Variants in RIMS1 observed in about 807,000 individuals in gnomAD.
The protein encoded by RIMS1 is regulating synaptic membrane exocytosis 1.
A neutral mutation model predicts 214.1 loss-of-function variants in RIMS1; 83 were observed. That is an observed-to-expected ratio of 0.39 (90% CI 0.32 to 0.47). The LOEUF (loss-of-function observed/expected upper bound fraction) is 0.47. Ranked by LOEUF, RIMS1 falls within the 20% of genes least tolerant of loss-of-function variation. RIMS1 has a pLI of 0.99. For missense variants in RIMS1, 2,050 were observed against 2,161.8 expected, an observed-to-expected ratio of 0.95 and a Z score of 1.03; for synonymous variants, 793 against 786.8, an observed-to-expected ratio of 1.01 and a Z score of -0.13.
chr6:71,896,086 A>T (rs575217541), intron 1 of RIMS1, among the ~76,000 whole-genome samples: 3 of 152,178 alleles, frequency 2.0e-5, no homozygotes, highest in Non-Finnish European at 2.9e-5. Context: ...ACATCCTAGT[A>T]TCTGGAATAA....
At chr6:72,007,805 A>G (rs1808411490) in intron 2 of RIMS1, among the ~76,000 whole-genome samples, 1 of 152,222 alleles carries the variant, frequency 6.6e-6, no homozygotes, top group South Asian at 2.1e-4. Flanking sequence ...CAAAGCCTCC[A>G]AGAAATACGG....
In RIMS1 at chr6:71,969,924, A is replaced by G. The variant is rs1257169019; in HGVS notation, c.245+861A>G. ...TTAAATGACCAACAGAAAGAGTTTC[A>G]TTCACATTTGAAACTCAGAGTTGAC... On this transcript the variant is annotated intron_variant, in intron 2 of 33. Transcript: ENST00000521978. 3.9e-5 allele frequency among the ~76,000 whole-genome samples: 6 copies of G among 152,296 alleles called. No individual in the cohort carries two copies. In the East Asian group the frequency reaches 1.2e-3, roughly 29 times the overall value.
chr6:72,142,486 G>C (rs1315499759), intron 4 of RIMS1, among the ~76,000 whole-genome samples: 2 of 151,938 alleles, frequency 1.3e-5, no homozygotes, highest in Non-Finnish European at 2.9e-5. Flanking sequence ...GAAAAAAGGA[G>C]ACAATTATTC....
intron 4 of RIMS1, among the ~76,000 whole-genome samples, chr6:72,174,547 A>G (rs900264010): frequency 1.3e-5 from 2 of 152,318 alleles, no homozygotes; most frequent in South Asian, 2.1e-4. Context: ...TATGAAAAAA[A>G]GTTTGATCAA....
chr6:72,121,549 G>A (rs557358938), intron 4 of RIMS1, among the ~76,000 whole-genome samples: 3 of 151,806 alleles, frequency 2.0e-5, no homozygotes, highest in Non-Finnish European at 2.9e-5. Context: ...AAGGAGATTA[G>A]GGGCTGTGAC....
chr6:72,094,228 T>G (rs1048601415), intron 2 of RIMS1, among the ~76,000 whole-genome samples: 1 of 152,228 alleles, frequency 6.6e-6, no homozygotes. Context: ...CTGAACTATT[T>G]GCTAAACTGC....
chr6:72,299,342 G>C (rs952695397), intron 26 of RIMS1, among the ~76,000 whole-genome samples: 1 of 151,762 alleles, frequency 6.6e-6, no homozygotes, highest in African/African-American at 2.4e-5. Flanking sequence ...ATAATAGTGT[G>C]TAATTTATAC....
intron 1 of RIMS1, among the ~76,000 whole-genome samples, chr6:71,897,348 A>G (rs903785336): frequency 6.6e-6 from 1 of 152,076 alleles, no homozygotes; most frequent in African/African-American, 2.4e-5. Context: ...AATTCGTCTG[A>G]TCATGTCTCT....
chr6:72,260,922 A>G lies in RIMS1; in HGVS notation c.3116+155A>G. The stretch of plus-strand genomic sequence containing the variant: ...TTTTGTTTTATATTGAGGTTATGGA[A>G]AAGGTTCCAAATATATTTCAGTTCC... On this transcript the variant is annotated intron_variant, in intron 19 of 33. Transcript: ENST00000521978. 4 of 1,482,404 alleles carry G rather than the reference A, an allele frequency of 2.7e-6. No homozygotes were observed. The South Asian group carries it at 3.8e-5, about 14-fold the overall frequency. 91.8% of individuals were successfully genotyped at this position (1,482,404 alleles called of 1,614,324 possible).
At chr6:72,390,871 C>A in intron 30 of RIMS1, 135 bp downstream of exon 30, 4 of 990,754 alleles carry the variant, frequency 4.0e-6, no homozygotes, top group South Asian at 3.6e-5. Flanking sequence ...TTTAAACCAC[C>A]CTGATGGCTT....
In RIMS1 at chr6:72,182,811, A is replaced by C; in HGVS notation, c.1340A>C (p.His447Pro). The change falls in exon 6 of 34, where the codon CAC becomes CCC. Residue 447 changes from histidine to proline, a missense_variant. His to Pro is a moderately conservative substitution (Grantham distance 77). Around this residue, in one of 6 missense-constraint regions of RIMS1, gnomAD observed 882 missense variants for 828.9 expected, o/e 1.06. Transcript: ENST00000521978. Reference sequence around the variant, plus strand: ...CCGGGCGCCAAGCAGCTAACGAACCACAGCCCGCCGGCGCCCAGACATGGG... The same window carrying C: ...CCGGGCGCCAAGCAGCTAACGAACCCCAGCCCGCCGGCGCCCAGACATGGG... ...RAPGAKQLTN[H>P]SPPAPRHGPV... The C allele has an allele frequency of 6.5e-7, 1 of 1,549,064 alleles. No individual in the cohort carries two copies. Among genetic ancestry groups the C allele is most frequent in the Non-Finnish European group, 8.7e-7 (1 of 1,150,272 alleles).
At chr6:72,068,925 T>A (rs867054186) in intron 2 of RIMS1, among the ~76,000 whole-genome samples, 15 of 150,322 alleles carry the variant, frequency 1.0e-4, no homozygotes, top group Admixed American at 5.3e-4. Context: ...AAAAAAAAAA[T>A]TTATGAGGTG....
intron 12 of RIMS1, among the ~76,000 whole-genome samples, chr6:72,248,993 A>T (rs373714244): frequency 6.6e-6 from 1 of 152,142 alleles, no homozygotes; most frequent in African/African-American, 2.4e-5. Context: ...TTGAAAGAGG[A>T]TGGAAACCCA....
intron 1 of RIMS1, among the ~76,000 whole-genome samples, chr6:71,918,473 A>G (rs372415298): frequency 6.6e-6 from 1 of 152,304 alleles, no homozygotes; most frequent in East Asian, 1.9e-4. Context: ...GTGAAGACAA[A>G]AACATAATTG....
rs79645833 is a variant in RIMS1 at position 72,222,764 on chromosome 6, T to A, written c.1679-11009T>A. Reference sequence around the variant, plus strand: ...GGCTATAAAGGGATTTCATCCTTGTTTTTATAAAAATTTACATGCTGTAAT... The same window carrying A: ...GGCTATAAAGGGATTTCATCCTTGTATTTATAAAAATTTACATGCTGTAAT... On this transcript the variant is annotated intron_variant, in intron 6 of 33. Coordinates refer to ENST00000521978, the MANE Select transcript of RIMS1 (RefSeq NM_014989.7). Among the ~76,000 whole-genome samples, 60 of 152,326 alleles carry A rather than the reference T, an allele frequency of 3.9e-4. 1 individual carries two copies. The East Asian group carries it at 0.01, about 26-fold the overall frequency.
intron 2 of RIMS1, among the ~76,000 whole-genome samples, chr6:72,023,613 G>C (rs777925312): frequency 2.0e-5 from 3 of 151,978 alleles, no homozygotes; most frequent in Non-Finnish European, 2.9e-5. Context: ...ATAGCTTTGT[G>C]ATCTTTTTTA....
intron 25 of RIMS1, 81 bp from the exon 26 acceptor site, chr6:72,291,853 C>T (rs748832258): frequency 1.2e-4 from 119 of 1,014,240 alleles, no homozygotes; most frequent in Non-Finnish European, 1.7e-4. Context: ...CTATTTTAAT[C>T]GTAACAGAAA....
chr6:72,128,000 G>C (rs779957871), intron 4 of RIMS1, among the ~76,000 whole-genome samples: 8 of 152,156 alleles, frequency 5.3e-5, no homozygotes, highest in Non-Finnish European at 1.2e-4. Context: ...TGGGTAAATT[G>C]ATAACTAATG....
At chr6:72,293,516 G>T (rs376721749) in intron 26 of RIMS1, among the ~76,000 whole-genome samples, 1 of 151,862 alleles carries the variant, frequency 6.6e-6, no homozygotes, top group East Asian at 1.9e-4. Context: ...AACTACAAAT[G>T]TGGGTGTTTA....
Sources: allele counts gnomAD v4.1 joint callset (sites outside exome capture counted in the v4.1 genomes callset), GRCh38; gene constraint gnomAD v4.1.1; regional missense constraint gnomAD v4.1.1; transcripts MANE v1.5; gene names NCBI Gene and HGNC (gene_info 2026-07-23, HGNC 2026-07-21).